The following CEP350 variants were observed in gnomAD, a reference collection of about 807,000 sequenced individuals.
CEP350 encodes the protein centrosome-associated protein 350.
In CEP350, 126 loss-of-function variants were observed where a neutral mutation model predicts 331.8. The ratio of observed to expected loss-of-function variants is 0.38; its 90% CI spans 0.33 to 0.44. The LOEUF (loss-of-function observed/expected upper bound fraction) is 0.44. Among genes scored for constraint, CEP350 ranks in the 20% least tolerant of loss-of-function variants. The pLI, the probability that CEP350 is intolerant of heterozygous loss-of-function variation, is 1.00. For missense variants in CEP350, 3,406 were observed against 3,634.6 expected, an observed-to-expected ratio of 0.94 and a Z score of 1.62; for synonymous variants, 1,200 against 1,259.5, an observed-to-expected ratio of 0.95 and a Z score of 1.00.
intron 24 of CEP350, 131 bp downstream of exon 24, chr1:180,054,065 A>C: frequency 1.5e-6 from 1 of 684,692 alleles, no homozygotes; most frequent in Non-Finnish European, 2.3e-6. Context: ...AAATAACGGC[A>C]GTCATACTTG....
intron 11 of CEP350, among the ~76,000 whole-genome samples, chr1:180,016,579 C>T (rs1014491943): frequency 2.6e-4 from 40 of 151,576 alleles, no homozygotes; most frequent in African/African-American, 9.0e-4. Flanking sequence ...GTAATAATAA[C>T]CATTTTGGAA....
chr1:180,076,067 A>G (rs1344404109), intron 28 of CEP350, among the ~76,000 whole-genome samples: 9 of 152,206 alleles, frequency 5.9e-5, no homozygotes, highest in Non-Finnish European at 1.3e-4. Context: ...TCAGTAAGAT[A>G]AGAGAACCCT....
intron 13 of CEP350, among the ~76,000 whole-genome samples, chr1:180,023,119 TAC>T (rs1261134431): frequency 6.6e-6 from 1 of 152,088 alleles, no homozygotes; most frequent in Non-Finnish European, 1.5e-5. Flanking sequence ...ACATTAATAG[TAC>T]CTGCCTGCCT....
intron 25 of CEP350, 50 bp downstream of exon 25, chr1:180,054,552 T>G: frequency 7.6e-7 from 1 of 1,321,562 alleles, no homozygotes; most frequent in South Asian, 1.3e-5. Context: ...GCAAGTTAGT[T>G]TGTGGAATCT....
At chr1:180,034,631 G>C (rs186426081) in intron 16 of CEP350, among the ~76,000 whole-genome samples, 2 of 151,910 alleles carry the variant, frequency 1.3e-5, no homozygotes, top group African/African-American at 2.4e-5. Context: ...TATCTGTTAC[G>C]GTGATCTGTG....
intron 17 of CEP350, 119 bp downstream of exon 17, chr1:180,037,208 C>A: frequency 3.8e-6 from 3 of 787,950 alleles, no homozygotes; most frequent in Non-Finnish European, 5.4e-6. Context: ...CCATATAGCA[C>A]CTATAAATAA....
rs1185525725 is a variant in CEP350 at position 180,112,663 on chromosome 1, A to G, written c.*1502A>G. On this transcript the variant is annotated 3_prime_UTR_variant, in exon 38 of 38. Coordinates refer to ENST00000367607, the MANE Select transcript of CEP350 (RefSeq NM_014810.5). ...AGGTCCTGGTTAGAAGCATGATACA[A>G]GACATCTACTGGATTCATATTTACA... 1 of 152,670 alleles carries G rather than the reference A, an allele frequency of 6.6e-6. No individual in the cohort carries two copies. Among genetic ancestry groups the G allele is most frequent in the Non-Finnish European group, 1.5e-5 (1 of 68,040 alleles). 9.5% of individuals were successfully genotyped at this position (152,670 alleles called of 1,614,324 possible). A position where few individuals can be genotyped will look rare whatever the true frequency, so the allele number is the denominator to read the frequency against.
chr1:180,061,758 A>G (rs1558134158), intron 25 of CEP350, among the ~76,000 whole-genome samples: 1 of 152,210 alleles, frequency 6.6e-6, no homozygotes, highest in Non-Finnish European at 1.5e-5. Context: ...TTTTACTTTT[A>G]GAAATCTCTC....
Position 180,111,494 on chromosome 1 carries a change from C to T in CEP350, c.*333C>T, listed in dbSNP as rs79555092. On this transcript the variant is annotated 3_prime_UTR_variant, in exon 38 of 38. Coordinates refer to ENST00000367607, the MANE Select transcript of CEP350 (RefSeq NM_014810.5). ...AGACTAGGGTATCACTTCTTTGAGTCTGAAGTCAAGTGAGAGAGGTATAGA... is the reference window on the plus strand; with the variant it reads ...AGACTAGGGTATCACTTCTTTGAGTTTGAAGTCAAGTGAGAGAGGTATAGA... 14,741 of 202,400 alleles carry T rather than the reference C, an allele frequency of 0.073. 659 individuals are homozygous for T. Among genetic ancestry groups the T allele is most frequent in the Non-Finnish European group, 0.091 (9,084 of 99,448 alleles). 12.5% of individuals were successfully genotyped at this position (202,400 alleles called of 1,614,324 possible). A position where few individuals can be genotyped will look rare whatever the true frequency, so the allele number is the denominator to read the frequency against.
chr1:180,076,374 C>T (rs781436937), intron 28 of CEP350, among the ~76,000 whole-genome samples: 5 of 152,152 alleles, frequency 3.3e-5, no homozygotes, highest in Non-Finnish European at 7.4e-5. Context: ...ATATGCAAAT[C>T]CTAATACTTA....
chr1:180,095,555 A>G lies in CEP350; in HGVS notation c.8544A>G (p.Glu2848=). 2 of 1,613,964 alleles carry G rather than the reference A, an allele frequency of 1.2e-6. No homozygotes were observed. The highest frequency in any genetic ancestry group is 2.2e-5 in the South Asian group (2 of 91,076). ...ESPVFGASGQ[E]ELAKRLAELE... is the part of the protein sequence containing the mutation. ...CAGTATTTGGTGCCAGTGGGCAGGA[A>G]GAACTTGCTAAGAGACTTGCTGAAC... The change falls in exon 35 of 38, where the codon GAA becomes GAG. Residue 2848 remains glutamate, a synonymous_variant. Coordinates refer to ENST00000367607, the MANE Select transcript of CEP350 (RefSeq NM_014810.5).
intron 16 of CEP350, 60 bp downstream of exon 16, chr1:180,034,142 C>A (rs74487535): frequency 0.13 from 197,922 of 1,511,460 alleles, 13,567 homozygotes; most frequent in South Asian, 0.15. Flanking sequence ...TTTCTCTCAA[C>A]ATTCCTTTTC....
chr1:180,050,302 A>T (rs1657400443), intron 22 of CEP350, among the ~76,000 whole-genome samples: 1 of 152,192 alleles, frequency 6.6e-6, no homozygotes, highest in Non-Finnish European at 1.5e-5. Context: ...AGATTGGGAG[A>T]AAATATTTGC....
chr1:179,977,118 A>G (rs1251503144), intron 1 of CEP350, among the ~76,000 whole-genome samples: 1 of 152,106 alleles, frequency 6.6e-6, no homozygotes, highest in Non-Finnish European at 1.5e-5. Context: ...ACTGGATAGG[A>G]TGCTTTTGAG....
chr1:180,054,298 C>G, intron 24 of CEP350, 117 bp from the exon 25 acceptor site: 1 of 865,620 alleles, frequency 1.2e-6, no homozygotes. Context: ...AACTGCTTTT[C>G]ACATTTGAAA....
chr1:180,052,865 A>G, intron 22 of CEP350, 105 bp from the exon 23 acceptor site: 1 of 477,890 alleles, frequency 2.1e-6, no homozygotes, highest in Non-Finnish European at 3.8e-6. Flanking sequence ...GATCAATTTT[A>G]TGAATTTATG....
rs1481622173 is a variant in CEP350 at position 180,113,060 on chromosome 1, G to A, written c.*1899G>A. 7 of 152,594 alleles carry A rather than the reference G, an allele frequency of 4.6e-5. No individual in the cohort carries two copies. The highest frequency in any genetic ancestry group is 1.0e-4 in the Non-Finnish European group (7 of 68,034). 9.5% of individuals were successfully genotyped at this position (152,594 alleles called of 1,614,324 possible). Reference sequence around the variant, plus strand: ...GCCATAATGAGCAAATTGACTAAGAGAAGCAAAGGTTTCTTGGGGTTATTA... The same window carrying A: ...GCCATAATGAGCAAATTGACTAAGAAAAGCAAAGGTTTCTTGGGGTTATTA... On this transcript the variant is annotated 3_prime_UTR_variant, in exon 38 of 38. Transcript: ENST00000367607.
chr1:179,969,206 G>C (rs947347793), intron 1 of CEP350: 23 of 548,846 alleles, frequency 4.2e-5, no homozygotes, highest in African/African-American at 4.1e-4. Flanking sequence ...CATTTCCTGT[G>C]AACACCCGTG....
intron 37 of CEP350, among the ~76,000 whole-genome samples, chr1:180,103,295 T>C (rs1180100096): frequency 6.6e-6 from 1 of 152,216 alleles, no homozygotes; most frequent in Non-Finnish European, 1.5e-5. Context: ...AGGTAGTTTT[T>C]TCTATTGGCA....
Sources: allele counts gnomAD v4.1 joint callset (sites outside exome capture counted in the v4.1 genomes callset), GRCh38; gene constraint gnomAD v4.1.1; transcripts MANE v1.5; gene names NCBI Gene and HGNC (gene_info 2026-07-23, HGNC 2026-07-21).